The following CPNE4 variants were observed in gnomAD, a reference collection of about 807,000 sequenced individuals.
CPNE4 encodes copine-4.
CPNE4 carries 25 observed loss-of-function variants against 67.9 expected under a neutral mutation model. The observed-to-expected ratio is 0.37, with a 90% CI of 0.27 to 0.51. The LOEUF (loss-of-function observed/expected upper bound fraction) is 0.51. Among genes scored for constraint, CPNE4 ranks in the 20% least tolerant of loss-of-function variants. The pLI, the probability that CPNE4 is intolerant of heterozygous loss-of-function variation, is 0.93. For missense variants in CPNE4, 464 were observed against 690.8 expected (o/e 0.67, Z 3.68); for synonymous variants, 242 against 244.9 (o/e 0.99, Z 0.11).
At chr3:131,613,559 C>T (rs1039153661) in intron 7 of CPNE4, among the ~76,000 whole-genome samples, 5 of 152,206 alleles carry the variant, frequency 3.3e-5, no homozygotes, top group African/African-American at 1.2e-4. Flanking sequence ...AAATATGAGC[C>T]TTGCAAAACG....
intron 2 of CPNE4, among the ~76,000 whole-genome samples, chr3:131,792,780 GTGTATATA>G (rs1163800538): frequency 1.4e-5 from 2 of 140,168 alleles, no homozygotes; most frequent in Non-Finnish European, 3.1e-5. Flanking sequence ...GTATATGTGT[GTGTATATA>G]TGTATATATT....
At chr3:131,575,966 T>C (rs140758904) in intron 9 of CPNE4, among the ~76,000 whole-genome samples, 18 of 152,280 alleles carry the variant, frequency 1.2e-4, no homozygotes, top group Admixed American at 3.9e-4. Flanking sequence ...CTCTTGGTGA[T>C]ATTCATGTAT....
Position 131,943,377 on chromosome 3 carries a change from T to C in CPNE4, c.-1-37933A>G, listed in dbSNP as rs139094172. 8.5e-5 allele frequency among the ~76,000 whole-genome samples: 13 copies of C among 152,290 alleles called. No individual in the cohort carries two copies. In the East Asian group the frequency reaches 2.5e-3, roughly 29 times the overall value. On this transcript the variant is annotated intron_variant, in intron 1 of 15. Coordinates refer to ENST00000429747, the MANE Select transcript of CPNE4 (RefSeq NM_130808.3). ...TTTTAGAATGATAGATCAGGAATTG[T>C]GTCCCTGTGATATGTCATTGGATTG... is the stretch of plus-strand genomic sequence containing the variant.
At chr3:131,919,854 T>A (rs770353662) in intron 1 of CPNE4, among the ~76,000 whole-genome samples, 3 of 152,078 alleles carry the variant, frequency 2.0e-5, no homozygotes, top group Non-Finnish European at 4.4e-5. Flanking sequence ...AGCAAGTGAA[T>A]CAGTGAATAT....
chr3:131,965,836 G>C (rs929520185), intron 1 of CPNE4, among the ~76,000 whole-genome samples: 2 of 152,106 alleles, frequency 1.3e-5, no homozygotes, highest in African/African-American at 4.8e-5. Context: ...AATTAACAAG[G>C]ATATTCGGGA....
intron 2 of CPNE4, among the ~76,000 whole-genome samples, chr3:131,903,608 A>ATG (rs2088633822): frequency 3.3e-5 from 5 of 152,108 alleles, no homozygotes; most frequent in Admixed American, 3.3e-4. Context: ...ATGGGTTTAA[A>ATG]TATTAGCTTT....
At chr3:131,689,929 G>C (rs937579011) in intron 5 of CPNE4, among the ~76,000 whole-genome samples, 3 of 151,672 alleles carry the variant, frequency 2.0e-5, no homozygotes, top group Non-Finnish European at 4.4e-5. Context: ...CATCAAGAAC[G>C]ACCCCATTTA....
chr3:131,838,264 TA>T (rs2085635380), intron 2 of CPNE4, among the ~76,000 whole-genome samples: 1 of 151,992 alleles, frequency 6.6e-6, no homozygotes, highest in Non-Finnish European at 1.5e-5. Context: ...TGCAAATGGA[TA>T]TTTTAAAGGC....
intron 7 of CPNE4, among the ~76,000 whole-genome samples, chr3:131,602,520 A>G (rs1297223173): frequency 1.3e-5 from 2 of 152,132 alleles, no homozygotes; most frequent in Non-Finnish European, 2.9e-5. Context: ...ACATTCCACA[A>G]GAAATATGTC....
chr3:131,663,698 C>T (rs966086862), intron 7 of CPNE4, among the ~76,000 whole-genome samples: 1 of 152,108 alleles, frequency 6.6e-6, no homozygotes, highest in Non-Finnish European at 1.5e-5. Flanking sequence ...AACTCAAGAA[C>T]ATGGCTGTTT....
intron 7 of CPNE4, among the ~76,000 whole-genome samples, chr3:131,599,026 G>C (rs1939059905): frequency 6.6e-6 from 1 of 152,134 alleles, no homozygotes; most frequent in Admixed American, 6.5e-5. Context: ...TCTAACTGTA[G>C]CTTTTAGGAA....
intron 7 of CPNE4, among the ~76,000 whole-genome samples, chr3:131,622,732 T>C (rs904253178): frequency 2.6e-5 from 4 of 152,096 alleles, no homozygotes; most frequent in Non-Finnish European, 4.4e-5. Flanking sequence ...GGGAAATAAT[T>C]GACAGGAGAG....
At chr3:131,984,182 C>T (rs2072983375) in intron 1 of CPNE4, among the ~76,000 whole-genome samples, 1 of 152,138 alleles carries the variant, frequency 6.6e-6, no homozygotes, top group Non-Finnish European at 1.5e-5. Context: ...AGAGGCCACA[C>T]AAATGGTAAG....
At chr3:131,593,551 T>G (rs569778473) in intron 7 of CPNE4, among the ~76,000 whole-genome samples, 1 of 152,344 alleles carries the variant, frequency 6.6e-6, no homozygotes, top group South Asian at 2.1e-4. Flanking sequence ...CTTTATTAGA[T>G]CTAATAGTTT....
At chr3:131,593,411 T>A (rs1443663789) in intron 7 of CPNE4, among the ~76,000 whole-genome samples, 1 of 152,220 alleles carries the variant, frequency 6.6e-6, no homozygotes, top group Non-Finnish European at 1.5e-5. Context: ...ATTTTACTGT[T>A]CTTGATGCTA....
At chr3:131,844,817 C>T (rs1583311639) in intron 2 of CPNE4, among the ~76,000 whole-genome samples, 1 of 152,258 alleles carries the variant, frequency 6.6e-6, no homozygotes, top group East Asian at 1.9e-4. Context: ...CACATTGCAT[C>T]TTCCTTAGCC....
At chr3:132,018,379 T>C (rs1344304818) in intron 1 of CPNE4, among the ~76,000 whole-genome samples, 3 of 152,236 alleles carry the variant, frequency 2.0e-5, no homozygotes, top group South Asian at 2.1e-4. Flanking sequence ...AAAACTACTA[T>C]CCTGTACTCC....
chr3:131,655,455 G>A (rs1470676885), intron 7 of CPNE4, among the ~76,000 whole-genome samples: 5 of 152,188 alleles, frequency 3.3e-5, no homozygotes, highest in African/African-American at 7.2e-5. Flanking sequence ...TGGTAAGAGA[G>A]CTTATGAAGA....
In CPNE4 at chr3:131,994,939, G is replaced by T. The variant is rs77180372; in HGVS notation, c.-2+39628C>A. ...AACAATTTTTTAATAAAAATGTATT[G>T]CTCTCTTTCCTGTTCAACTTTTAAG... On this transcript the variant is annotated intron_variant, in intron 1 of 15. Transcript: ENST00000429747. 3.3e-3 allele frequency among the ~76,000 whole-genome samples: 503 copies of T among 152,230 alleles called. 11 individuals carry two copies. In the South Asian group the frequency reaches 0.05, roughly 15 times the overall value.
Sources: gnomAD v4.1 joint callset for allele counts (sites outside exome capture counted in the v4.1 genomes callset) on GRCh38, gnomAD v4.1.1 for gene constraint, MANE v1.5 for transcripts, NCBI Gene and HGNC (gene_info 2026-07-23, HGNC 2026-07-21) for gene names.